The following SCNM1 variants were observed in gnomAD, a reference collection of about 807,000 sequenced individuals.
SCNM1 encodes the protein sodium channel modifier 1.
SCNM1 carries 24 observed loss-of-function variants against 32.8 expected under a neutral mutation model. The ratio of observed to expected loss-of-function variants is 0.73; its 90% CI spans 0.53 to 1.03. The LOEUF (loss-of-function observed/expected upper bound fraction) is 1.03. SCNM1 is among the 50% of genes least tolerant of loss of function. The pLI, the probability that SCNM1 is intolerant of heterozygous loss-of-function variation, is 0.00. For synonymous variants in SCNM1, 99 were observed against 103.2 expected, an observed-to-expected ratio of 0.96 and a Z score of 0.25; for missense variants, 274 against 282.3, an observed-to-expected ratio of 0.97 and a Z score of 0.21.
rs5777765 is a variant in SCNM1 at position 151,169,240 on chromosome 1, CTTTTTT to C, written c.*172_*177del. ...GCAAGGTACACAGCTCTCCACACTC[CTTTTTT>C]TTTTTTTTTTTTTTTTGAGGCAGAG... is the stretch of plus-strand genomic sequence containing the variant. On this transcript the variant is annotated 3_prime_UTR_variant, in exon 7 of 7. Coordinates refer to ENST00000368905, the MANE Select transcript of SCNM1 (RefSeq NM_024041.4). 794 of 282,054 alleles carry C rather than the reference CTTTTTT, an allele frequency of 2.8e-3. No homozygotes were observed. The highest frequency in any genetic ancestry group is 4.4e-3 in the South Asian group (101 of 22,840). The allele number at this position is 282,054 out of a possible 1,614,324, so 17.5% of individuals were successfully genotyped here.
intron 6 of SCNM1, 116 bp downstream of exon 6, chr1:151,168,454 G>C (rs2101705260): frequency 1.4e-6 from 2 of 1,389,870 alleles, no homozygotes; most frequent in African/African-American, 1.5e-5. Context: ...TGTTGCCCCA[G>C]CTGGAGTGCA....
intron 1 of SCNM1, 48 bp from the exon 2 acceptor site, chr1:151,166,423 C>T (rs587766258): frequency 1.2e-6 from 2 of 1,612,350 alleles, no homozygotes; most frequent in East Asian, 4.5e-5. Context: ...CCACCCCTCT[C>T]TCCTATCCCG....
In SCNM1 at chr1:151,166,659, C is replaced by G. The variant is rs1020701990; in HGVS notation, c.122+118C>G. On this transcript the variant is annotated intron_variant, in intron 2 of 6. Coordinates refer to ENST00000368905, the MANE Select transcript of SCNM1 (RefSeq NM_024041.4). Reference sequence around the variant, plus strand: ...GTGCTGCCCAGGCTGCCCTCGAACTCTAGGGCTCAAGTGATCCTGCCTCCT... The same window carrying G: ...GTGCTGCCCAGGCTGCCCTCGAACTGTAGGGCTCAAGTGATCCTGCCTCCT... The G allele has an allele frequency of 4.1e-6, 6 of 1,476,020 alleles. No homozygotes were observed. The East Asian group carries it at 7.4e-5, about 18-fold the overall frequency. The allele number at this position is 1,476,020 out of a possible 1,614,324, so 91.4% of individuals were successfully genotyped here. A position where few individuals can be genotyped will look rare whatever the true frequency, so the allele number is the denominator to read the frequency against.
chr1:151,169,183 C>G lies in SCNM1; in HGVS notation c.*98C>G. ...CTTGTTGGATCTCAGGATTTCAGAT[C>G]TGTTCATTCTCATTCCAACTACTCC... On this transcript the variant is annotated 3_prime_UTR_variant, in exon 7 of 7. Coordinates refer to ENST00000368905, the MANE Select transcript of SCNM1 (RefSeq NM_024041.4). The G allele has an allele frequency of 7.3e-7, 1 of 1,369,678 alleles. No homozygotes were observed. 84.8% of individuals were successfully genotyped at this position (1,369,678 alleles called of 1,614,324 possible).
chr1:151,167,768 GT>G lies in SCNM1; in HGVS notation c.398+356del, dbSNP rs1683775099. ...AATTGCTTGAATCCGGGAGACAGAG[GT>G]TGCAGTGAGCCACGGTCACACCACT... On this transcript the variant is annotated intron_variant, in intron 5 of 6. Transcript: ENST00000368905. 3 of 350,374 alleles carry G rather than the reference GT, an allele frequency of 8.6e-6. No individual in the cohort carries two copies. In the East Asian group the frequency reaches 2.0e-4, roughly 24 times the overall value. 21.7% of individuals were successfully genotyped at this position (350,374 alleles called of 1,614,324 possible).
In SCNM1 at chr1:151,169,982, C is replaced by A. The variant is rs1228685539; in HGVS notation, c.*897C>A. ...CCCAAAGCCCAAGGAAGGAGGCAGG[C>A]AAAATGGATAGAAGGGCTTTTATTT... On this transcript the variant is annotated 3_prime_UTR_variant, in exon 7 of 7. Transcript: ENST00000368905. 3 of 1,464,952 alleles carry A rather than the reference C, an allele frequency of 2.0e-6. No individual in the cohort carries two copies. Among genetic ancestry groups the A allele is most frequent in the Non-Finnish European group, 2.9e-6 (3 of 1,048,432 alleles). 90.7% of individuals were successfully genotyped at this position (1,464,952 alleles called of 1,614,324 possible). A position where few individuals can be genotyped will look rare whatever the true frequency, so the allele number is the denominator to read the frequency against.
rs756889162 is a variant in SCNM1, at chr1:151,167,151, C to T, written c.242C>T (p.Pro81Leu). The change falls in exon 4 of 7, where the codon CCG becomes CTG. Residue 81 changes from proline to leucine, a missense_variant. By Grantham distance (98) the Pro-to-Leu change is moderately conservative (BLOSUM62 -3). Transcript: ENST00000368905. ...SLQLFYGKKQ[P>L]GKERKQNPKH... is the part of the protein sequence containing the mutation. ...CAGCTTTTCTATGGCAAGAAGCAGC[C>T]GGGAAAGGAAAGAAAGCAGAATCCA... 1.9e-6 allele frequency: 3 copies of T among 1,614,018 alleles called. No individual in the cohort carries two copies. The highest frequency in any genetic ancestry group is 1.1e-5 in the South Asian group (1 of 91,068).
Position 151,170,191 on chromosome 1 carries a change from A to G in SCNM1, c.*1106A>G, listed in dbSNP as rs1683902913. 1 of 1,529,734 alleles carries G rather than the reference A, an allele frequency of 6.5e-7. No homozygotes were observed. The highest frequency in any genetic ancestry group is 1.4e-5 in the African/African-American group (1 of 73,186). The allele number at this position is 1,529,734 out of a possible 1,614,324, so 94.8% of individuals were successfully genotyped here. On this transcript the variant is annotated 3_prime_UTR_variant, in exon 7 of 7. Coordinates refer to ENST00000368905, the MANE Select transcript of SCNM1 (RefSeq NM_024041.4). ...CTTCTCCTTTCCAGTCCCTTAGCCAAACTCATAAATTGGTAGTGTCTTAGG... is the reference window on the plus strand; with the variant it reads ...CTTCTCCTTTCCAGTCCCTTAGCCAGACTCATAAATTGGTAGTGTCTTAGG...
At position 151,168,700 on chromosome 1, in the gene SCNM1, A is replaced by G. The variant is rs368754146; in HGVS notation, c.594-286A>G. Among the ~76,000 whole-genome samples, 5 of 143,048 alleles carry G rather than the reference A, an allele frequency of 3.5e-5. No individual in the cohort carries two copies. The East Asian group carries it at 8.3e-4, about 24-fold the overall frequency. 93.8% of individuals were successfully genotyped at this position (143,048 alleles called of 152,430 possible). A position where few individuals can be genotyped will look rare whatever the true frequency, so the allele number is the denominator to read the frequency against. ...TGGGATTACAGGTGTGAGCCACCGC[A>G]CCCGGACTCCCATTGTTGTTTTCCA... On this transcript the variant is annotated intron_variant, in intron 6 of 6. Transcript: ENST00000368905.
In SCNM1 at chr1:151,169,928, C is replaced by T. The variant is rs1483491737; in HGVS notation, c.*843C>T. ...TAATCCCCTGGTGAACTGGCAGTAA[C>T]CCTTGGGGGTTAGCGCCAAGATTCT... is the stretch of plus-strand genomic sequence containing the variant. On this transcript the variant is annotated 3_prime_UTR_variant, in exon 7 of 7. Coordinates refer to ENST00000368905, the MANE Select transcript of SCNM1 (RefSeq NM_024041.4). 1.2e-6 allele frequency: 1 copy of T among 823,358 alleles called. No individual in the cohort carries two copies. The highest frequency in any genetic ancestry group is 1.7e-5 in the African/African-American group (1 of 58,706). 51.0% of individuals were successfully genotyped at this position (823,358 alleles called of 1,614,324 possible).
Position 151,167,396 on chromosome 1 carries a change from G to C in SCNM1, c.380G>C (p.Cys127Ser). 6.2e-7 allele frequency: 1 copy of C among 1,614,172 alleles called. No individual in the cohort carries two copies. The highest frequency in any genetic ancestry group is 8.5e-7 in the Non-Finnish European group (1 of 1,180,042). The change falls in exon 5 of 7, where the codon TGC becomes TCC. Residue 127 changes from cysteine (C) to serine (S), a missense_variant. Physicochemically the swap from Cys to Ser is moderately radical, Grantham distance 112. Transcript: ENST00000368905. The stretch of plus-strand genomic sequence containing the variant: ...CACAGAGCTCCCCACTATAACAGTT[G>C]CTGCCGCCGGAAGTACAGGTATGGG... The part of the protein sequence containing the change: ...ALHRAPHYNS[C>S]CRRKYRPEAP...
Position 151,169,616 on chromosome 1 carries a change from G to T in SCNM1, c.*531G>T. The T allele has an allele frequency of 5.3e-6, 1 of 187,394 alleles. No homozygotes were observed. The highest frequency in any genetic ancestry group is 1.1e-5 in the Non-Finnish European group (1 of 88,706). 11.6% of individuals were successfully genotyped at this position (187,394 alleles called of 1,614,324 possible). A position where few individuals can be genotyped will look rare whatever the true frequency, so the allele number is the denominator to read the frequency against. On this transcript the variant is annotated 3_prime_UTR_variant, in exon 7 of 7. Transcript: ENST00000368905. ...TGCCAAGCGTCAGCTGCATCAGCCT[G>T]GTGCCCTATTAATAAGACTGTCAAA...
chr1:151,166,873 G>T (rs1683729260), intron 2 of SCNM1, 61 bp from the exon 3 acceptor site: 3 of 1,607,802 alleles, frequency 1.9e-6, no homozygotes, highest in Admixed American at 1.7e-5. Context: ...GGGACCTATG[G>T]CAGGGACGGG....
chr1:151,169,740 G>T lies in SCNM1; in HGVS notation c.*655G>T. On this transcript the variant is annotated 3_prime_UTR_variant, in exon 7 of 7. Coordinates refer to ENST00000368905, the MANE Select transcript of SCNM1 (RefSeq NM_024041.4). ...CATAAGGACTGCAGGTAGGCACTAGGGGGACCTGGCCACATCTGGAAACAG... is the reference window on the plus strand; with the variant it reads ...CATAAGGACTGCAGGTAGGCACTAGTGGGACCTGGCCACATCTGGAAACAG... The T allele has an allele frequency of 5.9e-6, 2 of 341,038 alleles. No individual in the cohort carries two copies. The highest frequency in any genetic ancestry group is 1.1e-5 in the Non-Finnish European group (2 of 182,748). 21.1% of individuals were successfully genotyped at this position (341,038 alleles called of 1,614,324 possible). A position where few individuals can be genotyped will look rare whatever the true frequency, so the allele number is the denominator to read the frequency against.
chr1:151,168,075 G>A, intron 5 of SCNM1, 69 bp from the exon 6 acceptor site: 2 of 1,445,516 alleles, frequency 1.4e-6, no homozygotes, highest in Non-Finnish European at 1.9e-6. Context: ...ACTGTTTTAA[G>A]AGGTTGGGAG....
At position 151,167,325 on chromosome 1, in the gene SCNM1, G is replaced by A. The variant is rs1440704726; in HGVS notation, c.310-1G>A. 2 of 1,614,008 alleles carry A rather than the reference G, an allele frequency of 1.2e-6. No homozygotes were observed. The highest frequency in any genetic ancestry group is 1.7e-6 in the Non-Finnish European group (2 of 1,180,020). On this transcript the variant is annotated splice_acceptor_variant, in intron 4 of 6. Transcript: ENST00000368905. LOFTEE classifies it high-confidence loss of function. ...GACTCTGTCTCCCATCTCCTTACCA[G>A]GCTCCTCTGCTAACTCAGACACGAC...
At position 151,169,193 on chromosome 1, in the gene SCNM1, T is replaced by A; in HGVS notation, c.*108T>A. 8.3e-7 allele frequency: 1 copy of A among 1,206,058 alleles called. No individual in the cohort carries two copies. Among genetic ancestry groups the A allele is most frequent in the Non-Finnish European group, 1.2e-6 (1 of 846,862 alleles). The allele number at this position is 1,206,058 out of a possible 1,614,324, so 74.7% of individuals were successfully genotyped here. On this transcript the variant is annotated 3_prime_UTR_variant, in exon 7 of 7. Coordinates refer to ENST00000368905, the MANE Select transcript of SCNM1 (RefSeq NM_024041.4). Reference sequence around the variant, plus strand: ...CTCAGGATTTCAGATCTGTTCATTCTCATTCCAACTACTCCTTGCCTGCAA... The same window carrying A: ...CTCAGGATTTCAGATCTGTTCATTCACATTCCAACTACTCCTTGCCTGCAA...
At position 151,169,056 on chromosome 1, in the gene SCNM1, G is replaced by A; in HGVS notation, c.664G>A (p.Glu222Lys). The change falls in exon 7 of 7, where the codon GAG becomes AAG. Residue 222 changes from glutamate (E) to lysine (K), a missense_variant. Coordinates refer to ENST00000368905, the MANE Select transcript of SCNM1 (RefSeq NM_024041.4). The stretch of plus-strand genomic sequence containing the variant: ...AAATGTTGAGTTTGACTCTGATGAG[G>A]AGGAACCACCTGATCTCCCCTTGGA... ...DENVEFDSDEEEPPDLPLD is the reference protein window; with the variant it reads ...DENVEFDSDEKEPPDLPLD 1 of 1,613,974 alleles carries A rather than the reference G, an allele frequency of 6.2e-7. No individual in the cohort carries two copies. Among genetic ancestry groups the A allele is most frequent in the Non-Finnish European group, 8.5e-7 (1 of 1,179,998 alleles).
chr1:151,169,621 CCTATTA>C lies in SCNM1; in HGVS notation c.*537_*542del, dbSNP rs1683879353. 1 of 188,168 alleles carries C rather than the reference CCTATTA, an allele frequency of 5.3e-6. No homozygotes were observed. The highest frequency in any genetic ancestry group is 2.4e-5 in the African/African-American group (1 of 42,078). 11.7% of individuals were successfully genotyped at this position (188,168 alleles called of 1,614,324 possible). A position where few individuals can be genotyped will look rare whatever the true frequency, so the allele number is the denominator to read the frequency against. The stretch of plus-strand genomic sequence containing the variant: ...AGCGTCAGCTGCATCAGCCTGGTGC[CCTATTA>C]ATAAGACTGTCAAAAAGAGGTCTTT... On this transcript the variant is annotated 3_prime_UTR_variant, in exon 7 of 7. Transcript: ENST00000368905.
Sources: allele counts gnomAD v4.1 joint callset (sites outside exome capture counted in the v4.1 genomes callset), GRCh38; gene constraint gnomAD v4.1.1; transcripts MANE v1.5; gene names NCBI Gene and HGNC (gene_info 2026-07-23, HGNC 2026-07-21).